SNX1: variants seen among roughly 807,000 people sequenced by gnomAD.
SNX1 encodes sorting nexin-1.
SNX1 carries 36 observed loss-of-function variants against 71.8 expected under a neutral mutation model. That is an observed-to-expected ratio of 0.50 (90% CI 0.38 to 0.66). The LOEUF (loss-of-function observed/expected upper bound fraction) is 0.66, where lower values mean the gene tolerates loss of function less well. Ranked by LOEUF, SNX1 falls within the 30% of genes least tolerant of loss-of-function variation. SNX1 has a pLI of 0.00. For missense variants in SNX1, 612 were observed against 646.7 expected, an observed-to-expected ratio of 0.95 and a Z score of 0.58; for synonymous variants, 254 against 240.7, an observed-to-expected ratio of 1.06 and a Z score of -0.51.
intron 2 of SNX1, among the ~76,000 whole-genome samples, chr15:64,116,794 A>G (rs879368278): frequency 2.0e-5 from 3 of 152,214 alleles, no homozygotes; most frequent in Non-Finnish European, 4.4e-5. Context: ...TTTTATTTGC[A>G]TAAAAAATTT....
chr15:64,118,265 TC>T (rs774497706), intron 3 of SNX1, 21 bp downstream of exon 3: 1 of 1,599,946 alleles, frequency 6.3e-7, no homozygotes, highest in South Asian at 1.1e-5. Context: ...GTGCTCTTGG[TC>T]TTATCGCTTT....
At chr15:64,101,140 C>T (rs930816078) in intron 1 of SNX1, among the ~76,000 whole-genome samples, 5 of 152,174 alleles carry the variant, frequency 3.3e-5, no homozygotes, top group African/African-American at 1.2e-4. Context: ...GTAAAATTCA[C>T]ATGACAAAAT....
intron 6 of SNX1, among the ~76,000 whole-genome samples, chr15:64,126,960 T>G (rs1195684029): frequency 6.6e-6 from 1 of 152,142 alleles, no homozygotes; most frequent in Admixed American, 6.5e-5. Flanking sequence ...ACTCTGCAAG[T>G]CCTAGAGTTT....
chr15:64,109,004 A>G (rs1366883473), intron 1 of SNX1, among the ~76,000 whole-genome samples: 2 of 151,480 alleles, frequency 1.3e-5, no homozygotes, highest in South Asian at 2.1e-4. Context: ...AAAAAAAACC[A>G]AAAGAGAGAA....
At chr15:64,105,248 G>C (rs1243579917) in intron 1 of SNX1, among the ~76,000 whole-genome samples, 1 of 151,798 alleles carries the variant, frequency 6.6e-6, no homozygotes, top group Non-Finnish European at 1.5e-5. Context: ...GGGCTTATGA[G>C]AGAAACAATA....
At chr15:64,136,489 G>T in intron 13 of SNX1, 79 bp downstream of exon 13, 1 of 1,273,004 alleles carries the variant, frequency 7.9e-7, no homozygotes, top group Non-Finnish European at 1.1e-6. Flanking sequence ...CAACTCTGTT[G>T]GGTAAAGAGA....
intron 11 of SNX1, among the ~76,000 whole-genome samples, chr15:64,133,447 G>A (rs1051045184): frequency 6.6e-6 from 1 of 152,230 alleles, no homozygotes; most frequent in African/African-American, 2.4e-5. Flanking sequence ...ATGCAGGGAA[G>A]GTTGGGGCGT....
chr15:64,111,219 AT>A (rs1316003770), intron 1 of SNX1, among the ~76,000 whole-genome samples: 1 of 152,140 alleles, frequency 6.6e-6, no homozygotes, highest in Non-Finnish European at 1.5e-5. Context: ...CTGCTTTTGT[AT>A]TTATCCTGTT....
At chr15:64,130,670 G>T (rs1385635486) in intron 10 of SNX1, among the ~76,000 whole-genome samples, 1 of 152,214 alleles carries the variant, frequency 6.6e-6, no homozygotes, top group Non-Finnish European at 1.5e-5. Flanking sequence ...ATGCGTAAAT[G>T]CAAGGAAACC....
intron 2 of SNX1, among the ~76,000 whole-genome samples, chr15:64,113,635 C>T (rs550419276): frequency 8.7e-4 from 132 of 152,214 alleles, no homozygotes; most frequent in Middle Eastern, 6.8e-3. Context: ...GCCTGGCCAA[C>T]GTAGTGAAAC....
intron 14 of SNX1, 85 bp downstream of exon 14, chr15:64,137,017 C>A: frequency 9.4e-7 from 1 of 1,069,112 alleles, no homozygotes; most frequent in Non-Finnish European, 1.4e-6. Flanking sequence ...ACAAGATGTG[C>A]AGGCCCTGCT....
chr15:64,116,792 G>T (rs1391034068), intron 2 of SNX1, among the ~76,000 whole-genome samples: 1 of 152,098 alleles, frequency 6.6e-6, no homozygotes, highest in East Asian at 1.9e-4. Flanking sequence ...CTTTTTATTT[G>T]CATAAAAAAT....
At chr15:64,105,010 G>A (rs567208962) in intron 1 of SNX1, among the ~76,000 whole-genome samples, 3 of 151,276 alleles carry the variant, frequency 2.0e-5, no homozygotes, top group South Asian at 4.2e-4. Flanking sequence ...TGAGGTGGGT[G>A]GATCACCTGA....
intron 1 of SNX1, among the ~76,000 whole-genome samples, chr15:64,096,922 A>G (rs528418299): frequency 6.6e-6 from 1 of 152,258 alleles, no homozygotes; most frequent in Non-Finnish European, 1.5e-5. Flanking sequence ...TTTTGAACAA[A>G]TAATTGGACA....
In SNX1 at chr15:64,137,569, T is replaced by A. The variant is rs762163011; in HGVS notation, c.1520T>A (p.Leu507Gln). ...LETLLYSQQQLAKYWEAFLPE... is the reference protein window; with the variant it reads ...LETLLYSQQQQAKYWEAFLPE... ...CTTAATGTCCCCACTTCTTTGCAGCTGGCAAAGTACTGGGAAGCCTTCCTT... is the reference window on the plus strand; with the variant it reads ...CTTAATGTCCCCACTTCTTTGCAGCAGGCAAAGTACTGGGAAGCCTTCCTT... Residue 507 changes from leucine to glutamine, a missense_variant and splice_region_variant, in exon 15 of 15, where the codon CTG becomes CAG. Coordinates refer to ENST00000559844, the MANE Select transcript of SNX1 (RefSeq NM_003099.5). 1 of 1,614,052 alleles carries A rather than the reference T, an allele frequency of 6.2e-7. No homozygotes were observed. Among genetic ancestry groups the A allele is most frequent in the East Asian group, 2.2e-5 (1 of 44,894 alleles).
Position 64,134,985 on chromosome 15 carries a change from C to CCCTGT in SNX1, c.1365+179_1365+183dup, listed in dbSNP as rs1567333208. On this transcript the variant is annotated intron_variant, in intron 12 of 14. Coordinates refer to ENST00000559844, the MANE Select transcript of SNX1 (RefSeq NM_003099.5). This position sits in a 1 kb window ranked among gnomAD's most constrained non-coding sequence, Gnocchi z 4.1. ...TCCAGGCCTTCCTGAGGCCTAGTCC[C>CCCTGT]CCTGTTCTTTTTCTACTCTACGCAG... The CCCTGT allele has an allele frequency of 2.8e-6, 2 of 725,108 alleles. No individual in the cohort carries two copies. Among genetic ancestry groups the CCCTGT allele is most frequent in the Admixed American group, 6.1e-5 (2 of 32,912 alleles). 44.9% of individuals were successfully genotyped at this position (725,108 alleles called of 1,614,324 possible).
intron 4 of SNX1, among the ~76,000 whole-genome samples, chr15:64,121,020 T>C (rs1280025653): frequency 4.6e-5 from 7 of 152,344 alleles, no homozygotes; most frequent in East Asian, 1.9e-4. Flanking sequence ...TGATAGATCC[T>C]GGACCAGGAC....
At chr15:64,132,796 C>T (rs924630019) in intron 11 of SNX1, among the ~76,000 whole-genome samples, 1 of 152,182 alleles carries the variant, frequency 6.6e-6, no homozygotes, top group South Asian at 2.1e-4. Flanking sequence ...TCACTTACCC[C>T]GTGGTGGAGA....
chr15:64,137,059 A>G (rs2081366784), intron 14 of SNX1, 127 bp downstream of exon 14: 2 of 684,526 alleles, frequency 2.9e-6, no homozygotes, highest in Admixed American at 5.1e-5. Flanking sequence ...ATAGTCCATC[A>G]TTGAAAATAG....
Sources: gnomAD v4.1 joint callset for allele counts (sites outside exome capture counted in the v4.1 genomes callset) on GRCh38, gnomAD v4.1.1 for gene constraint, Gnocchi (gnomAD v3.1) non-coding constraint, MANE v1.5 for transcripts, NCBI Gene and HGNC (gene_info 2026-07-23, HGNC 2026-07-21) for gene names.